JAKMIP3: variants seen among roughly 807,000 people sequenced by gnomAD.
The protein encoded by JAKMIP3 is janus kinase and microtubule-interacting protein 3.
JAKMIP3 carries 58 observed loss-of-function variants against 118.5 expected under a neutral mutation model. The observed-to-expected ratio is 0.49, with a 90% CI of 0.40 to 0.61. The LOEUF (loss-of-function observed/expected upper bound fraction) is 0.61. Among genes scored for constraint, JAKMIP3 ranks in the 20% least tolerant of loss-of-function variants. JAKMIP3 has a pLI of 0.00. For synonymous variants in JAKMIP3, 486 were observed against 451.2 expected (o/e 1.08, Z -0.98); for missense variants, 950 against 1,109.0 (o/e 0.86, Z 2.04).
chr10:132,141,697 C>T (rs547615496), intron 10 of JAKMIP3, among the ~76,000 whole-genome samples: 1 of 152,262 alleles, frequency 6.6e-6, no homozygotes, highest in East Asian at 1.9e-4. Flanking sequence ...GGGCTCGGTG[C>T]TCCCCTCCCC....
intron 1 of JAKMIP3, among the ~76,000 whole-genome samples, chr10:132,083,914 C>T (rs1272533777): frequency 6.6e-6 from 1 of 152,172 alleles, no homozygotes; most frequent in African/African-American, 2.4e-5. Flanking sequence ...TATGCCAGTA[C>T]CACGCTGTTT....
At chr10:132,100,834 C>T (rs997334236) in intron 1 of JAKMIP3, among the ~76,000 whole-genome samples, 3 of 126,742 alleles carry the variant, frequency 2.4e-5, no homozygotes, top group South Asian at 5.4e-4. Context: ...TGAGGAACCC[C>T]TGCCGCGCTC....
chr10:132,049,516 A>G lies in JAKMIP3; in HGVS notation c.-138+12778A>G, dbSNP rs1226347166. ...TGCTTTTTTTTTTCCTGAGTTCAAT[A>G]CATTCTTTTTTCATTTCTCTGATTT... is the stretch of plus-strand genomic sequence containing the variant. On this transcript the variant is annotated intron_variant, in intron 1 of 23. Coordinates refer to the JAKMIP3 transcript ENST00000657785. The surrounding 1 kb of genome is among the most constrained non-coding windows in gnomAD (Gnocchi z 4.3). Among the ~76,000 whole-genome samples, 1 of 151,288 alleles carries G rather than the reference A, an allele frequency of 6.6e-6. No individual in the cohort carries two copies. Among genetic ancestry groups the G allele is most frequent in the Non-Finnish European group, 1.5e-5 (1 of 67,828 alleles).
chr10:132,074,496 T>G (rs901984807), intron 1 of JAKMIP3, among the ~76,000 whole-genome samples: 4 of 152,236 alleles, frequency 2.6e-5, no homozygotes, highest in African/African-American at 9.6e-5. Flanking sequence ...TTTTGAATAA[T>G]GTGTTTATAT....
chr10:132,100,610 G>A (rs1273388270), intron 1 of JAKMIP3, among the ~76,000 whole-genome samples: 1 of 152,058 alleles, frequency 6.6e-6, no homozygotes, highest in Non-Finnish European at 1.5e-5. Context: ...CGCAGGCCAC[G>A]CCCCCCCAGC....
At chr10:132,041,515 C>T (rs1022312537) in intron 1 of JAKMIP3, among the ~76,000 whole-genome samples, 47 of 152,336 alleles carry the variant, frequency 3.1e-4, no homozygotes, top group Admixed American at 2.0e-4. Flanking sequence ...CCCTCTGCCG[C>T]GTGTCCCCAC....
chr10:132,122,516 A>G (rs1388497673), intron 3 of JAKMIP3, among the ~76,000 whole-genome samples: 1 of 152,198 alleles, frequency 6.6e-6, no homozygotes, highest in African/African-American at 2.4e-5. Flanking sequence ...CAGGGGCAGA[A>G]GCCCAGCCGG....
rs545230889 is a variant in JAKMIP3 at position 132,134,938 on chromosome 10, G to T, written c.850-103G>T. 4.8e-5 allele frequency: 67 copies of T among 1,394,820 alleles called. 1 individual carries two copies. In the South Asian group the frequency reaches 8.1e-4, roughly 17 times the overall value. 86.4% of individuals were successfully genotyped at this position (1,394,820 alleles called of 1,614,324 possible). On this transcript the variant is annotated intron_variant, in intron 4 of 23. Transcript: ENST00000684848. Reference sequence around the variant, plus strand: ...GGCAGCCGCGTGGAGGTAAAGGCGCGCGTCCCACGGCAGCGTTTTTGTTCC... The same window carrying T: ...GGCAGCCGCGTGGAGGTAAAGGCGCTCGTCCCACGGCAGCGTTTTTGTTCC...
At chr10:132,163,452 G>T (rs759816389) in intron 20 of JAKMIP3, 40 bp downstream of exon 20, 4 of 1,537,936 alleles carry the variant, frequency 2.6e-6, no homozygotes, top group African/African-American at 1.4e-5. Flanking sequence ...TGAAGACCTG[G>T]CCAGGACCTG....
In JAKMIP3 at chr10:132,105,081, C is replaced by T. The variant is rs550486685; in HGVS notation, c.135+138C>T. On this transcript the variant is annotated intron_variant, in intron 2 of 23. Transcript: ENST00000684848. Reference sequence around the variant, plus strand: ...AGTCCTAAAGGCTGCTTGGGACAGACCACTTGGTGGGGGGTGGGGCGGCAG... The same window carrying T: ...AGTCCTAAAGGCTGCTTGGGACAGATCACTTGGTGGGGGGTGGGGCGGCAG... 41 of 1,018,774 alleles carry T rather than the reference C, an allele frequency of 4.0e-5. No homozygotes were observed. The South Asian group carries it at 6.5e-4, about 16-fold the overall frequency. The allele number at this position is 1,018,774 out of a possible 1,614,324, so 63.1% of individuals were successfully genotyped here.
intron 3 of JAKMIP3, among the ~76,000 whole-genome samples, chr10:132,131,369 G>C (rs1220518065): frequency 1.3e-5 from 2 of 151,598 alleles, no homozygotes; most frequent in Non-Finnish European, 2.9e-5. Flanking sequence ...GTGGGAGATG[G>C]GAGCTCTGGG....
chr10:132,114,615 A>T (rs911079787), intron 2 of JAKMIP3, among the ~76,000 whole-genome samples: 2 of 152,188 alleles, frequency 1.3e-5, no homozygotes, highest in Non-Finnish European at 2.9e-5. Flanking sequence ...ACATTTTAGA[A>T]TCCATTTGGA....
chr10:132,111,206 A>G (rs988910827), intron 2 of JAKMIP3, among the ~76,000 whole-genome samples: 22 of 152,322 alleles, frequency 1.4e-4, no homozygotes, highest in Admixed American at 3.3e-4. Flanking sequence ...CACAGGAAAC[A>G]TGTCCCAGGC....
At chr10:132,159,646 G>T (rs913531196) in intron 19 of JAKMIP3, among the ~76,000 whole-genome samples, 74 of 59,354 alleles carry the variant, frequency 1.2e-3, no homozygotes, top group Non-Finnish European at 1.8e-3. Context: ...ATGCTGGGGG[G>T]CCTCTCCCTG....
intron 2 of JAKMIP3, among the ~76,000 whole-genome samples, chr10:132,110,302 G>A (rs1039939315): frequency 5.9e-5 from 9 of 152,262 alleles, no homozygotes; most frequent in Admixed American, 3.3e-4. Flanking sequence ...ACGGGCAGGT[G>A]CTCCCGGGCT....
intron 2 of JAKMIP3, among the ~76,000 whole-genome samples, chr10:132,111,875 C>T (rs1427773434): frequency 6.6e-6 from 1 of 152,106 alleles, no homozygotes; most frequent in Admixed American, 6.5e-5. Flanking sequence ...GAGGCAGCTG[C>T]TCAGAGGTCC....
chr10:132,101,468 C>A (rs1008021793), intron 1 of JAKMIP3, among the ~76,000 whole-genome samples: 1 of 152,228 alleles, frequency 6.6e-6, no homozygotes, highest in East Asian at 1.9e-4. Context: ...TATTAGCAAC[C>A]ATGACCCTTT....
chr10:132,174,453 G>A (rs2818426), intron 23 of JAKMIP3, among the ~76,000 whole-genome samples: 1 of 152,072 alleles, frequency 6.6e-6, no homozygotes, highest in South Asian at 2.1e-4. Flanking sequence ...TGTGGGCTCC[G>A]TGGGTTTTCC....
chr10:132,087,034 A>G (rs972314008), intron 1 of JAKMIP3, among the ~76,000 whole-genome samples: 1 of 152,214 alleles, frequency 6.6e-6, no homozygotes, highest in Non-Finnish European at 1.5e-5. Flanking sequence ...AGCTCCCTTT[A>G]GCAGTTCTTG....
Sources: gnomAD v4.1 joint callset for allele counts (sites outside exome capture counted in the v4.1 genomes callset) on GRCh38, gnomAD v4.1.1 for gene constraint, Gnocchi (gnomAD v3.1) non-coding constraint, MANE v1.5 for transcripts, NCBI Gene and HGNC (gene_info 2026-07-23, HGNC 2026-07-21) for gene names.